Variants in EP300 observed in about 807,000 individuals in gnomAD.
EP300 encodes the protein histone acetyltransferase p300.
Under a neutral mutation model 264.0 loss-of-function variants are expected in EP300, and 31 were observed. That is an observed-to-expected ratio of 0.12 (90% CI 0.09 to 0.16). EP300 has a LOEUF of 0.16. Among genes scored for constraint, EP300 ranks in the 10% least tolerant of loss-of-function variants. EP300 has a pLI of 1.00. For missense variants in EP300, 2,766 were observed against 3,052.9 expected, an observed-to-expected ratio of 0.91 and a Z score of 2.21; for synonymous variants, 1,340 against 1,045.4, an observed-to-expected ratio of 1.28 and a Z score of -5.44.
intron 14 of EP300, 95 bp downstream of exon 14, chr22:41,150,293 T>G: frequency 6.7e-5 from 91 of 1,365,016 alleles, no homozygotes; most frequent in Non-Finnish European, 8.5e-5. Context: ...GCTTTATCTC[T>G]TACTGTTTTC....
intron 10 of EP300, among the ~76,000 whole-genome samples, chr22:41,146,267 C>T (rs1229511962): frequency 6.6e-6 from 1 of 151,094 alleles, no homozygotes; most frequent in Non-Finnish European, 1.5e-5. Context: ...CAGGTTCATG[C>T]GATTCTCCTG....
At position 41,146,818 on chromosome 22, in the gene EP300, TAAATA is replaced by T; in HGVS notation, c.2131+3_2131+7del. On this transcript the variant is annotated splice_donor_5th_base_variant and intron_variant, in intron 11 of 30. Coordinates refer to ENST00000263253, the MANE Select transcript of EP300 (RefSeq NM_001429.4). Reference sequence around the variant, plus strand: ...TGCCTCGAATAACTCCACAATCTGGTAAATAGTGAAAAAAATTTTTTTATTTTAAA... The same window carrying T: ...TGCCTCGAATAACTCCACAATCTGGTGTGAAAAAAATTTTTTTATTTTAAA... 1 of 1,613,822 alleles carries T rather than the reference TAAATA, an allele frequency of 6.2e-7. No individual in the cohort carries two copies. The highest frequency in any genetic ancestry group is 8.5e-7 in the Non-Finnish European group (1 of 1,179,832).
Position 41,127,744 on chromosome 22 carries a change from C to T in EP300, c.1164C>T (p.Cys388=), listed in dbSNP as rs1555907286. ...HMTHCQSGKS[C]QVAHCASSRQ... ...CACACTGCCAGTCAGGCAAGTCTTG[C>T]CAAGGTAAGTGGACCCACAGGGTTA... The change falls in exon 4 of 31, where the codon TGC becomes TGT. Residue 388 remains cysteine, a synonymous_variant. Transcript: ENST00000263253. 1 of 1,614,170 alleles carries T rather than the reference C, an allele frequency of 6.2e-7. No individual in the cohort carries two copies. Among genetic ancestry groups the T allele is most frequent in the Non-Finnish European group, 8.5e-7 (1 of 1,180,048 alleles).
chr22:41,105,114 G>C (rs529457238), intron 1 of EP300, among the ~76,000 whole-genome samples: 1 of 137,268 alleles, frequency 7.3e-6, no homozygotes, highest in Non-Finnish European at 1.6e-5. Context: ...GGAGAATGGC[G>C]TGAACCCAGG....
rs750460918 is a variant in EP300, at chr22:41,177,293, A to T, written c.5582A>T (p.Gln1861Leu). The T allele has an allele frequency of 1.2e-6, 2 of 1,614,036 alleles. No homozygotes were observed. Among genetic ancestry groups the T allele is most frequent in the South Asian group, 2.2e-5 (2 of 91,080 alleles). ...TPATPTTPTG[Q>L]QPTTPQTPQP... Reference sequence around the variant, plus strand: ...GCCACTCCAACGACACCAACTGGCCAACAGCCAACCACCCCGCAGACGCCC... The same window carrying T: ...GCCACTCCAACGACACCAACTGGCCTACAGCCAACCACCCCGCAGACGCCC... The change falls in exon 31 of 31, where the codon CAA (glutamine) becomes CTA (leucine). Residue 1861 changes from glutamine to leucine, a missense_variant. Transcript: ENST00000263253.
rs59721178 is a variant in EP300, at chr22:41,179,880, TCACACACA to T, written c.*960_*967del. On this transcript the variant is annotated 3_prime_UTR_variant, in exon 31 of 31. Coordinates refer to ENST00000263253, the MANE Select transcript of EP300 (RefSeq NM_001429.4). Reference sequence around the variant, plus strand: ...TCTTCCTCCTTACCCTACCCCCCACTCACACACACACACACACACACACACACACACAC... The same window carrying T: ...TCTTCCTCCTTACCCTACCCCCCACTCACACACACACACACACACACACAC... 0.035 allele frequency: 5,781 copies of T among 166,638 alleles called. 280 individuals are homozygous for T. Among genetic ancestry groups the T allele is most frequent in the African/African-American group, 0.096 (3,845 of 39,876 alleles). The allele number at this position is 166,638 out of a possible 1,614,324, so 10.3% of individuals were successfully genotyped here. A position where few individuals can be genotyped will look rare whatever the true frequency, so the allele number is the denominator to read the frequency against.
At chr22:41,123,415 G>A (rs1192243102) in intron 2 of EP300, among the ~76,000 whole-genome samples, 1 of 152,180 alleles carries the variant, frequency 6.6e-6, no homozygotes, top group Admixed American at 6.5e-5. Context: ...TACGTACTGT[G>A]GGGTTGATTT....
intron 1 of EP300, among the ~76,000 whole-genome samples, chr22:41,102,302 G>A (rs981955071): frequency 1.3e-4 from 20 of 152,136 alleles, no homozygotes; most frequent in African/African-American, 4.8e-4. Context: ...TACGTATATA[G>A]TGGGAGGAAC....
chr22:41,179,982 G>GTTGA lies in EP300; in HGVS notation c.*1029_*1032dup, dbSNP rs752225547. Reference sequence around the variant, plus strand: ...AACTGTTGTAAATCATGCAATTAAAGTTGATTACTTATAAATATGAACTTT... The same window carrying GTTGA: ...AACTGTTGTAAATCATGCAATTAAAGTTGATTGATTACTTATAAATATGAACTTT... On this transcript the variant is annotated 3_prime_UTR_variant, in exon 31 of 31. Transcript: ENST00000263253. 2 of 226,546 alleles carry GTTGA rather than the reference G, an allele frequency of 8.8e-6. No individual in the cohort carries two copies. Among genetic ancestry groups the GTTGA allele is most frequent in the Non-Finnish European group, 1.8e-5 (2 of 114,278 alleles). 14.0% of individuals were successfully genotyped at this position (226,546 alleles called of 1,614,324 possible).
intron 1 of EP300, among the ~76,000 whole-genome samples, chr22:41,113,794 C>T (rs2058806858): frequency 1.3e-5 from 2 of 152,346 alleles, no homozygotes; most frequent in South Asian, 4.1e-4. Flanking sequence ...GATCCGCCCA[C>T]CTCGGCCTCC....
chr22:41,139,838 A>G (rs2058971650), intron 8 of EP300, among the ~76,000 whole-genome samples: 1 of 152,216 alleles, frequency 6.6e-6, no homozygotes, highest in Non-Finnish European at 1.5e-5. Flanking sequence ...GCTACTTGAT[A>G]CTATGACAAG....
intron 11 of EP300, among the ~76,000 whole-genome samples, chr22:41,147,476 G>A (rs957755988): frequency 2.6e-5 from 4 of 152,078 alleles, no homozygotes; most frequent in South Asian, 2.1e-4. Flanking sequence ...GGTGGCTCAC[G>A]CCTGTAATCC....
At chr22:41,168,230 A>C in intron 23 of EP300, 1 of 572,826 alleles carries the variant, frequency 1.7e-6, no homozygotes, top group Non-Finnish European at 3.1e-6. Context: ...CTTTAATAGC[A>C]CATGTATTAA....
chr22:41,132,228 C>T (rs564900096), intron 6 of EP300, among the ~76,000 whole-genome samples: 7 of 148,572 alleles, frequency 4.7e-5, no homozygotes, highest in Admixed American at 1.3e-4. Context: ...AGACATCTTT[C>T]ATAGTCAGTA....
chr22:41,104,263 AAAT>A (rs2058746226), intron 1 of EP300, among the ~76,000 whole-genome samples: 1 of 152,046 alleles, frequency 6.6e-6, no homozygotes, highest in South Asian at 2.1e-4. Flanking sequence ...GGATTTTAAT[AAAT>A]AATAGTGTCT....
intron 25 of EP300, chr22:41,169,099 C>T (rs2059156115): frequency 1.6e-6 from 1 of 615,016 alleles, no homozygotes. Flanking sequence ...GAATAGCAAC[C>T]TGAAATTGGA....
intron 1 of EP300, among the ~76,000 whole-genome samples, chr22:41,112,494 T>C (rs1047217063): frequency 6.6e-6 from 1 of 152,200 alleles, no homozygotes; most frequent in Admixed American, 6.5e-5. Flanking sequence ...CCACTGTGCC[T>C]GGCCAAGATG....
chr22:41,117,044 G>C (rs1257056990), intron 1 of EP300, 143 bp from the exon 2 acceptor site: 12 of 782,108 alleles, frequency 1.5e-5, no homozygotes, highest in Middle Eastern at 3.5e-4. Context: ...CTGTGCAACA[G>C]AGTAAGACCC....
At position 41,149,992 on chromosome 22, in the gene EP300, C is replaced by T. The variant is rs1419062360; in HGVS notation, c.2611C>T (p.Pro871Ser). The change falls in exon 14 of 31, where the codon CCT (proline) becomes TCT (serine). Residue 871 changes from proline to serine, a missense_variant. Transcript: ENST00000263253. ...TGTTCCTACACCTCCTGCCATGCCA[C>T]CTGGGCCACAGTCCCAGGCTCTACA... ...APVPTPPAMP[P>S]GPQSQALHPP... The T allele has an allele frequency of 6.2e-7, 1 of 1,614,094 alleles. No homozygotes were observed. The highest frequency in any genetic ancestry group is 2.2e-5 in the East Asian group (1 of 44,880).
Sources: gnomAD v4.1 joint callset for allele counts (sites outside exome capture counted in the v4.1 genomes callset) on GRCh38, gnomAD v4.1.1 for gene constraint, MANE v1.5 for transcripts, NCBI Gene and HGNC (gene_info 2026-07-23, HGNC 2026-07-21) for gene names.